F5: variants seen among roughly 807,000 people sequenced by gnomAD.
F5 encodes coagulation factor V.
F5 carries 138 observed loss-of-function variants against 216.4 expected under a neutral mutation model. The ratio of observed to expected loss-of-function variants is 0.64; its 90% CI spans 0.56 to 0.73. The LOEUF is 0.73. Ranked by LOEUF, F5 falls within the 30% of genes least tolerant of loss-of-function variation. F5 has a pLI of 0.00. For synonymous variants in F5, 916 were observed against 930.7 expected (o/e 0.98, Z 0.29); for missense variants, 2,403 against 2,674.0 (o/e 0.90, Z 2.24).
intron 13 of F5, among the ~76,000 whole-genome samples, chr1:169,539,772 C>G (rs537721843): frequency 6.6e-6 from 1 of 152,176 alleles, no homozygotes; most frequent in East Asian, 1.9e-4. Context: ...CTTTCTGTAT[C>G]TTCATCCCAG....
At chr1:169,532,663 C>T (rs1659616532) in intron 14 of F5, among the ~76,000 whole-genome samples, 1 of 151,972 alleles carries the variant, frequency 6.6e-6, no homozygotes, top group South Asian at 2.1e-4. Context: ...AGGAAAACAT[C>T]TAACCAAAGA....
At chr1:169,577,492 G>T (rs1358310195) in intron 2 of F5, among the ~76,000 whole-genome samples, 3 of 141,120 alleles carry the variant, frequency 2.1e-5, no homozygotes, top group Non-Finnish European at 3.0e-5. Context: ...TGTCCTAAAT[G>T]ACCCTCTTGC....
chr1:169,524,448 G>C (rs929737117), intron 19 of F5, among the ~76,000 whole-genome samples: 1 of 152,202 alleles, frequency 6.6e-6, no homozygotes, highest in African/African-American at 2.4e-5. Context: ...CAGAAAAGAT[G>C]ACTGAGGAGA....
chr1:169,512,296 C>G lies in F5; in HGVS notation c.*2017G>C, dbSNP rs1659043105. Among the ~76,000 whole-genome samples the G allele has an allele frequency of 6.6e-6, 1 of 151,972 alleles. No individual in the cohort carries two copies. The highest frequency in any genetic ancestry group is 1.5e-5 in the Non-Finnish European group (1 of 67,942). The stretch of plus-strand genomic sequence containing the variant: ...AATAACGAAGCTGGATCTCATGCTC[C>G]ATTCCCATCTCTTCCCTACCCCCCA... On this transcript the variant is annotated 3_prime_UTR_variant, in exon 25 of 25. Coordinates refer to ENST00000367797, the MANE Select transcript of F5 (RefSeq NM_000130.5).
At chr1:169,553,520 A>T (rs1001731580) in intron 7 of F5, among the ~76,000 whole-genome samples, 1 of 152,192 alleles carries the variant, frequency 6.6e-6, no homozygotes, top group African/African-American at 2.4e-5. Flanking sequence ...CATCCTGGCT[A>T]ACACGGTGAA....
chr1:169,578,768 A>G (rs916792492), intron 2 of F5, among the ~76,000 whole-genome samples: 19 of 152,170 alleles, frequency 1.2e-4, no homozygotes, highest in Non-Finnish European at 2.5e-4. Context: ...TCATAACTAC[A>G]AACTTAATTT....
chr1:169,526,711 G>C (rs1659461015), intron 17 of F5, among the ~76,000 whole-genome samples: 1 of 151,902 alleles, frequency 6.6e-6, no homozygotes, highest in South Asian at 2.1e-4. Flanking sequence ...CAGGTATTTA[G>C]GTTTGCAGAT....
At chr1:169,574,713 CAG>C (rs1261295639) in intron 2 of F5, among the ~76,000 whole-genome samples, 1 of 152,182 alleles carries the variant, frequency 6.6e-6, no homozygotes, top group Non-Finnish European at 1.5e-5. Context: ...CACTGAGCCT[CAG>C]AGAGTTTAAA....
chr1:169,536,953 A>G (rs1011510609), intron 13 of F5, among the ~76,000 whole-genome samples: 3 of 151,868 alleles, frequency 2.0e-5, no homozygotes, highest in Admixed American at 6.6e-5. Flanking sequence ...CTATAGTATT[A>G]TTATAGTATA....
rs1279152464 is a variant in F5 at position 169,541,024 on chromosome 1, G to A, written c.4066C>T (p.Pro1356Ser). 6.3e-7 allele frequency: 1 copy of A among 1,589,136 alleles called. No homozygotes were observed. The part of the protein sequence containing the change: ...TNLSPALGQM[P>S]LSPDPSHTTL... The stretch of plus-strand genomic sequence containing the variant: ...GTATGGCTGGGGTCTGGAGAAAGGG[G>A]CATCTGACCGAGGGCTGGGGAAAGG... The change falls in exon 13 of 25, where the codon CCC becomes TCC. Residue 1356 changes from proline to serine, a missense_variant. By Grantham distance (74) the Pro-to-Ser change is moderately conservative (BLOSUM62 -1). Transcript: ENST00000367797.
chr1:169,554,746 A>G (rs1302265481), intron 7 of F5, among the ~76,000 whole-genome samples: 1 of 152,238 alleles, frequency 6.6e-6, no homozygotes, highest in African/African-American at 2.4e-5. Context: ...GATAGATAAA[A>G]GTAGTATTCC....
chr1:169,577,119 G>T (rs1205097019), intron 2 of F5, among the ~76,000 whole-genome samples: 2 of 152,066 alleles, frequency 1.3e-5, no homozygotes, highest in African/African-American at 4.8e-5. Context: ...AGTGCCCAAA[G>T]CTGGATTGGG....
In F5 at chr1:169,543,126, A is replaced by C. The variant is rs368557758; in HGVS notation, c.1976-12T>G. On this transcript the variant is annotated splice_polypyrimidine_tract_variant and intron_variant, in intron 12 of 24. Transcript: ENST00000367797. ...TAACATCCAAGTTCCTACAGAAGAGAGACAGACAGAAGAGAGATCTGGAAG... is the reference window on the plus strand; with the variant it reads ...TAACATCCAAGTTCCTACAGAAGAGCGACAGACAGAAGAGAGATCTGGAAG... 6.2e-6 allele frequency: 10 copies of C among 1,611,060 alleles called. No individual in the cohort carries two copies. In the African/African-American group the frequency reaches 1.3e-4, roughly 22 times the overall value.
chr1:169,572,373 G>A, intron 2 of F5, 30 bp from the exon 3 acceptor site: 3 of 1,611,502 alleles, frequency 1.9e-6, no homozygotes, highest in Non-Finnish European at 2.5e-6. Flanking sequence ...AACTATGTCT[G>A]TATTCAGGGT....
chr1:169,526,690 T>C (rs953041617), intron 17 of F5, among the ~76,000 whole-genome samples: 1 of 152,038 alleles, frequency 6.6e-6, no homozygotes, highest in African/African-American at 2.4e-5. Flanking sequence ...CCAGTTTTCC[T>C]CTCTCCAATG....
chr1:169,543,858 C>A (rs920818397), intron 12 of F5, among the ~76,000 whole-genome samples: 1 of 152,148 alleles, frequency 6.6e-6, no homozygotes, highest in Non-Finnish European at 1.5e-5. Flanking sequence ...ACACAGCAAT[C>A]GATTGGCAGA....
intron 2 of F5, among the ~76,000 whole-genome samples, chr1:169,581,861 A>G (rs1571605393): frequency 1.3e-5 from 2 of 152,352 alleles, no homozygotes; most frequent in African/African-American, 4.8e-5. Context: ...CGGGAAAGAG[A>G]TGCAAAAGAG....
intron 14 of F5, among the ~76,000 whole-genome samples, chr1:169,534,924 T>C (rs1462055326): frequency 6.6e-6 from 1 of 152,180 alleles, no homozygotes; most frequent in East Asian, 1.9e-4. Flanking sequence ...AGTGAATTAA[T>C]GCAGAAACAG....
intron 2 of F5, among the ~76,000 whole-genome samples, chr1:169,574,106 G>A (rs888442801): frequency 1.4e-4 from 21 of 152,272 alleles, no homozygotes; most frequent in Non-Finnish European, 2.1e-4. Flanking sequence ...GTATATGAGA[G>A]GATGTGCATA....
Sources: allele counts gnomAD v4.1 joint callset (sites outside exome capture counted in the v4.1 genomes callset), GRCh38; gene constraint gnomAD v4.1.1; transcripts MANE v1.5; gene names NCBI Gene and HGNC (gene_info 2026-07-23, HGNC 2026-07-21).